The following KIF3A variants were observed in gnomAD, a reference collection of about 807,000 sequenced individuals.
The protein encoded by KIF3A is kinesin family member 3A.
KIF3A carries 27 observed loss-of-function variants against 92.6 expected under a neutral mutation model. That is an observed-to-expected ratio of 0.29 (90% CI 0.21 to 0.40). The LOEUF (loss-of-function observed/expected upper bound fraction) is 0.40. KIF3A is among the 10% of genes least tolerant of loss of function. The pLI is 1.00. For missense variants in KIF3A, 581 were observed against 872.6 expected (o/e 0.67, Z 4.21); for synonymous variants, 250 against 275.4 (o/e 0.91, Z 0.92).
In KIF3A at chr5:132,716,316, CAT is replaced by C; in HGVS notation, c.881_882del (p.His294ArgfsTer5). ...ISALVDGKST[H>X]VPYRNSKLTR... is the part of the protein sequence containing the mutation. ...GTCAGTTTAGAGTTACGATAAGGCA[CAT>C]GAGTGCTTTTTCCATCAACCAAGGC... On this transcript the variant is annotated frameshift_variant, in exon 7 of 19. Coordinates refer to ENST00000403231, the MANE Select transcript of KIF3A (RefSeq NM_001300791.2). LOFTEE classifies it high-confidence loss of function. 1 of 1,614,010 alleles carries C rather than the reference CAT, an allele frequency of 6.2e-7. No homozygotes were observed. Among genetic ancestry groups the C allele is most frequent in the Non-Finnish European group, 8.5e-7 (1 of 1,179,906 alleles).
chr5:132,724,845 AT>A (rs1753981925), intron 4 of KIF3A, among the ~76,000 whole-genome samples: 1 of 32,108 alleles, frequency 3.1e-5, no homozygotes, highest in African/African-American at 6.0e-5. Flanking sequence ...ATATATATAT[AT>A]ATATATATAT....
At chr5:132,722,518 A>T (rs1178502833) in intron 4 of KIF3A, among the ~76,000 whole-genome samples, 1 of 152,182 alleles carries the variant, frequency 6.6e-6, no homozygotes, top group Admixed American at 6.5e-5. Flanking sequence ...AATAAGTGGG[A>T]CAGTCTCACC....
At chr5:132,710,565 G>A (rs1251893867) in intron 9 of KIF3A, among the ~76,000 whole-genome samples, 4 of 152,100 alleles carry the variant, frequency 2.6e-5, no homozygotes, top group African/African-American at 7.2e-5. Context: ...GCAGTGAGCC[G>A]AGATCGCGCC....
At chr5:132,689,615 A>G (rs1242036358), downstream of KIF3A, 1 of 152,202 alleles carries the variant, frequency 6.6e-6, no homozygotes. Flanking sequence ...TCTTCACAAG[A>G]TGATAGGATG....
intron 5 of KIF3A, among the ~76,000 whole-genome samples, chr5:132,719,780 AC>A (rs560710284): frequency 1.3e-5 from 2 of 151,936 alleles, no homozygotes; most frequent in South Asian, 4.2e-4. Flanking sequence ...CCGCGACCAG[AC>A]TTTTCACCTC....
At chr5:132,731,979 A>T (rs974561666) in intron 2 of KIF3A, among the ~76,000 whole-genome samples, 7 of 152,178 alleles carry the variant, frequency 4.6e-5, no homozygotes, top group Admixed American at 1.3e-4. Flanking sequence ...ATGTGCTGGG[A>T]TTACAGGCGT....
intron 8 of KIF3A, among the ~76,000 whole-genome samples, chr5:132,714,284 T>C (rs1167337197): frequency 6.6e-6 from 1 of 152,108 alleles, no homozygotes; most frequent in Non-Finnish European, 1.5e-5. Flanking sequence ...AAGGGAGGAA[T>C]GGGTACATAC....
intron 4 of KIF3A, among the ~76,000 whole-genome samples, chr5:132,723,947 T>A (rs1425548261): frequency 2.0e-5 from 3 of 151,816 alleles, no homozygotes; most frequent in Non-Finnish European, 4.4e-5. Context: ...TCAAACAAAT[T>A]TACAAGAAAA....
chr5:132,734,414 A>G lies in KIF3A; in HGVS notation c.71T>C (p.Leu24Pro), dbSNP rs2149924550. 6.2e-7 allele frequency: 1 copy of G among 1,614,098 alleles called. No homozygotes were observed. Among genetic ancestry groups the G allele is most frequent in the East Asian group, 2.2e-5 (1 of 44,878 alleles). ...NVKVVVRCRPLNEREKSMCYK... is the reference protein window; with the variant it reads ...NVKVVVRCRPPNEREKSMCYK... The stretch of plus-strand genomic sequence containing the variant: ...GCACATTGATTTCTCTCTCTCATTG[A>G]GGGGCCGGCACCTAACAACAACCTT... The change falls in exon 2 of 19, where the codon CTC (leucine) becomes CCC (proline). Residue 24 changes from leucine (L) to proline (P), a missense_variant. By Grantham distance (98) the Leu-to-Pro change is moderately conservative. Transcript: ENST00000403231.
chr5:132,713,763 C>T (rs1337970519), intron 8 of KIF3A, among the ~76,000 whole-genome samples: 1 of 151,864 alleles, frequency 6.6e-6, no homozygotes, highest in African/African-American at 2.4e-5. Flanking sequence ...GTAGTATATA[C>T]ACAATGGAAT....
At chr5:132,699,487 C>T (rs1752953354) in intron 17 of KIF3A, 192 bp from the exon 18 acceptor site, 2 of 651,998 alleles carry the variant, frequency 3.1e-6, no homozygotes, top group Admixed American at 2.2e-5. Context: ...AGTAAGAAGC[C>T]CTGACACACT....
At chr5:132,732,053 C>G (rs1954856882) in intron 2 of KIF3A, among the ~76,000 whole-genome samples, 1 of 151,876 alleles carries the variant, frequency 6.6e-6, no homozygotes, top group Admixed American at 6.6e-5. Flanking sequence ...TACAAAAAAC[C>G]CAAAACATAA....
chr5:132,736,825 CATT>C, intron 1 of KIF3A: 2 of 436,044 alleles, frequency 4.6e-6, no homozygotes, highest in Non-Finnish European at 4.6e-6. Flanking sequence ...TAGAAGGCCC[CATT>C]ATTAAGTTCA....
chr5:132,714,276 G>A (rs943624264), intron 8 of KIF3A, among the ~76,000 whole-genome samples: 4 of 152,274 alleles, frequency 2.6e-5, no homozygotes, highest in Admixed American at 2.6e-4. Context: ...ACTAGGGGAA[G>A]GGAGGAATGG....
At chr5:132,691,473 G>A (rs772997443), downstream of KIF3A, among the ~76,000 whole-genome samples, 1 of 151,928 alleles carries the variant, frequency 6.6e-6, no homozygotes, top group African/African-American at 2.4e-5. Context: ...CTTGAACTTG[G>A]GGGGCGGAGA....
chr5:132,696,479 A>C lies in KIF3A; in HGVS notation c.*155T>G. On this transcript the variant is annotated 3_prime_UTR_variant, in exon 19 of 19. Coordinates refer to ENST00000403231, the MANE Select transcript of KIF3A (RefSeq NM_001300791.2). ...ATGTTATATTAATATATGTAGACTA[A>C]AAGTTCTTAAGCAAATTATTATTTC... The C allele has an allele frequency of 1.6e-6, 1 of 607,840 alleles. No homozygotes were observed. Among genetic ancestry groups the C allele is most frequent in the Non-Finnish European group, 3.0e-6 (1 of 333,128 alleles). 37.7% of individuals were successfully genotyped at this position (607,840 alleles called of 1,614,324 possible).
chr5:132,702,030 T>C, intron 15 of KIF3A, 57 bp downstream of exon 15: 1 of 1,520,390 alleles, frequency 6.6e-7, no homozygotes, highest in Non-Finnish European at 8.9e-7. Flanking sequence ...AAATTAGAAA[T>C]CTTTGTTCCT....
chr5:132,711,713 C>T lies in KIF3A; in HGVS notation c.1130-656G>A, dbSNP rs543076022. ...TGTGATCACTTTTGAGGAACAATTT[C>T]TTCTAAAACAGCTTCCTGTTTAAGA... On this transcript the variant is annotated intron_variant, in intron 8 of 18. Transcript: ENST00000403231. 3.6e-3 allele frequency among the ~76,000 whole-genome samples: 555 copies of T among 152,130 alleles called. 2 individuals carry two copies. Among genetic ancestry groups the T allele is most frequent in the African/African-American group, 0.013 (524 of 41,498 alleles).
At chr5:132,728,698 T>C (rs1049565751) in intron 2 of KIF3A, among the ~76,000 whole-genome samples, 94 of 151,878 alleles carry the variant, frequency 6.2e-4, no homozygotes, top group East Asian at 2.3e-3. Context: ...GATCGCACCA[T>C]TGCACTCCAG....
Sources: allele counts gnomAD v4.1 joint callset (sites outside exome capture counted in the v4.1 genomes callset), GRCh38; gene constraint gnomAD v4.1.1; transcripts MANE v1.5; gene names NCBI Gene and HGNC (gene_info 2026-07-23, HGNC 2026-07-21).